The following MTCL2 variants were observed in gnomAD, a reference collection of about 807,000 sequenced individuals.
MTCL2 encodes the protein microtubule cross-linking factor 2.
chr20:36,781,212 T>G, the MTCL2 span: 4 of 152,212 alleles, frequency 2.6e-5, no homozygotes, highest in African/African-American at 9.7e-5. Context: ...CAGTGCTCTT[T>G]TTAAGATACA....
At chr20:36,809,899 G>T in the MTCL2 span, 1 of 1,490,862 alleles carries the variant, frequency 6.7e-7, no homozygotes, top group Non-Finnish European at 9.1e-7. Flanking sequence ...GACTTCAGAG[G>T]GCCCATAGAT....
the MTCL2 span, among the ~76,000 whole-genome samples, chr20:36,822,351 C>T: frequency 7.2e-5 from 11 of 152,260 alleles, no homozygotes; most frequent in Non-Finnish European, 8.8e-5. Flanking sequence ...GGAATGCAGC[C>T]GCAAGGCCTG....
the MTCL2 span, chr20:36,786,027 C>T: frequency 1.0e-6 from 1 of 986,312 alleles, no homozygotes. Context: ...TAGAGCAAAG[C>T]CTGTTCTTCT....
the MTCL2 span, chr20:36,783,760 C>A: frequency 1.1e-3 from 1,072 of 985,272 alleles, 10 homozygotes; most frequent in African/African-American, 0.017. Flanking sequence ...TTGAAGAAAC[C>A]AACAAACTTA....
the MTCL2 span, chr20:36,817,281 A>AG: frequency 1.1e-6 from 1 of 886,400 alleles, no homozygotes; most frequent in South Asian, 1.8e-5. Context: ...AAAAAAAAAA[A>AG]AAAGAAAAGA....
the MTCL2 span, among the ~76,000 whole-genome samples, chr20:36,826,191 A>G: frequency 4.8e-4 from 73 of 150,732 alleles, 2 homozygotes; most frequent in Non-Finnish European, 1.5e-5. Context: ...TTGTATTTTT[A>G]GTAGAGACGG....
At chr20:36,842,963 C>G in the MTCL2 span, among the ~76,000 whole-genome samples, 1 of 152,134 alleles carries the variant, frequency 6.6e-6, no homozygotes, top group South Asian at 2.1e-4. Flanking sequence ...TCTCCCTACC[C>G]GTCTTTCCCC....
At chr20:36,815,397 C>T in the MTCL2 span, 5 of 1,612,742 alleles carry the variant, frequency 3.1e-6, no homozygotes, top group Admixed American at 5.0e-5. The surrounding 1 kb of genome is among the most constrained non-coding windows in gnomAD (Gnocchi z 5.3). Flanking sequence ...CAGACACAGC[C>T]GGAGGCCAGC....
the MTCL2 span, among the ~76,000 whole-genome samples, chr20:36,827,580 C>T: frequency 6.6e-6 from 1 of 151,970 alleles, no homozygotes; most frequent in Non-Finnish European, 1.5e-5. Flanking sequence ...GATCTGCCCA[C>T]CTTGGCCTCC....
At chr20:36,835,260 G>T in the MTCL2 span, among the ~76,000 whole-genome samples, 1 of 152,254 alleles carries the variant, frequency 6.6e-6, no homozygotes, top group South Asian at 2.1e-4. Flanking sequence ...CCGAGGTTCT[G>T]TAGGTCCTGT....
At chr20:36,863,040 C>G in the MTCL2 span, 1 of 1,405,848 alleles carries the variant, frequency 7.1e-7, no homozygotes, top group Non-Finnish European at 9.3e-7. This position sits in a 1 kb window ranked among gnomAD's most constrained non-coding sequence, Gnocchi z 6.2. Flanking sequence ...CGCACCCGAG[C>G]GCGGACGGCC....
the MTCL2 span, among the ~76,000 whole-genome samples, chr20:36,849,920 C>A: frequency 4.1e-3 from 629 of 152,132 alleles, 6 homozygotes; most frequent in African/African-American, 0.014. Context: ...TGGTCTGAAC[C>A]CAGCAACAGC....
the MTCL2 span, chr20:36,793,420 T>C: frequency 7.7e-6 from 12 of 1,551,276 alleles, no homozygotes; most frequent in Non-Finnish European, 7.0e-6. This position sits in a 1 kb window ranked among gnomAD's most constrained non-coding sequence, Gnocchi z 6.8. Context: ...AGAGGGGCTC[T>C]GGCTTCTTGG....
chr20:36,795,323 C>T, the MTCL2 span, among the ~76,000 whole-genome samples: 1 of 152,170 alleles, frequency 6.6e-6, no homozygotes, highest in Non-Finnish European at 1.5e-5. Flanking sequence ...CTTCTGGCCT[C>T]AAGAGATCTT....
At chr20:36,831,740 A>G in the MTCL2 span, among the ~76,000 whole-genome samples, 1 of 152,200 alleles carries the variant, frequency 6.6e-6, no homozygotes, top group African/African-American at 2.4e-5. Flanking sequence ...TCATCCACGA[A>G]GTGGGGAGAA....
chr20:36,837,583 TA>T, the MTCL2 span, among the ~76,000 whole-genome samples: 9 of 149,390 alleles, frequency 6.0e-5, no homozygotes, highest in East Asian at 1.9e-4. Flanking sequence ...TTATTATTAT[TA>T]TTATTATTTT....
chr20:36,798,429 AT>A, the MTCL2 span, among the ~76,000 whole-genome samples: 1 of 152,216 alleles, frequency 6.6e-6, no homozygotes, highest in East Asian at 1.9e-4. Flanking sequence ...GGTTATTTCC[AT>A]TTGGCAGATG....
At chr20:36,859,020 A>T in the MTCL2 span, among the ~76,000 whole-genome samples, 2 of 152,092 alleles carry the variant, frequency 1.3e-5, no homozygotes, top group African/African-American at 4.8e-5. Flanking sequence ...CGAACTCCTG[A>T]CCTTAGGTGA....
chr20:36,808,686 T>G, the MTCL2 span: 1 of 1,610,224 alleles, frequency 6.2e-7, no homozygotes, highest in South Asian at 1.1e-5. Flanking sequence ...CGCTGGAGGC[T>G]CAGACTCTGC....
Sources: allele counts gnomAD v4.1 joint callset (sites outside exome capture counted in the v4.1 genomes callset), GRCh38; gene constraint gnomAD v4.1.1; non-coding constraint Gnocchi (gnomAD v3.1); transcripts MANE v1.5; gene names NCBI Gene and HGNC (gene_info 2026-07-23, HGNC 2026-07-21).